Variants in SPIDR observed in about 807,000 individuals in gnomAD.
SPIDR encodes the protein DNA repair-scaffolding protein.
Under a neutral mutation model 104.6 loss-of-function variants are expected in SPIDR, and 93 were observed. The observed-to-expected ratio is 0.89, with a 90% CI of 0.75 to 1.06. The LOEUF (loss-of-function observed/expected upper bound fraction) is 1.06, where lower values mean the gene tolerates loss of function less well. Among genes scored for constraint, SPIDR ranks in the 50% least tolerant of loss-of-function variants. The pLI is 0.00. For missense variants in SPIDR, 1,154 were observed against 1,111.2 expected (o/e 1.04, Z -0.55); for synonymous variants, 431 against 416.9 (o/e 1.03, Z -0.41).
intron 6 of SPIDR, among the ~76,000 whole-genome samples, chr8:47,397,497 A>G (rs2061372985): frequency 6.6e-6 from 1 of 152,204 alleles, no homozygotes; most frequent in Non-Finnish European, 1.5e-5. Context: ...CTCCGTCTCT[A>G]AAAACAACAA....
chr8:47,571,288 A>G (rs1222332235), intron 8 of SPIDR, among the ~76,000 whole-genome samples: 8 of 152,260 alleles, frequency 5.3e-5, no homozygotes, highest in South Asian at 2.1e-4. Context: ...GATCTTAAGT[A>G]TTGTAAGCAT....
chr8:47,506,394 G>A (rs1005086983), intron 8 of SPIDR, among the ~76,000 whole-genome samples: 2 of 152,120 alleles, frequency 1.3e-5, no homozygotes, highest in Non-Finnish European at 2.9e-5. Flanking sequence ...CCAAAATCTC[G>A]TTTGTTTCTG....
intron 11 of SPIDR, among the ~76,000 whole-genome samples, chr8:47,676,518 CT>C (rs11367374): frequency 0.45 from 67,440 of 149,048 alleles, 18,188 homozygotes; most frequent in East Asian, 0.65. Context: ...CATTCTCTCT[CT>C]TTTTTTTTTT....
At chr8:47,701,360 A>C (rs1055574985) in intron 12 of SPIDR, among the ~76,000 whole-genome samples, 1 of 152,216 alleles carries the variant, frequency 6.6e-6, no homozygotes, top group African/African-American at 2.4e-5. Context: ...TGAACCCATG[A>C]GGCAGACGTT....
intron 8 of SPIDR, among the ~76,000 whole-genome samples, chr8:47,526,663 A>T (rs1414421934): frequency 6.6e-6 from 1 of 152,106 alleles, no homozygotes; most frequent in East Asian, 1.9e-4. Flanking sequence ...GTGGCAACTG[A>T]ACATCCAGGA....
At chr8:47,505,136 A>G (rs958750242) in intron 8 of SPIDR, among the ~76,000 whole-genome samples, 18 of 152,188 alleles carry the variant, frequency 1.2e-4, no homozygotes, top group African/African-American at 4.3e-4. Flanking sequence ...GAGTGCTGGG[A>G]GAACCACTAC....
intron 8 of SPIDR, among the ~76,000 whole-genome samples, chr8:47,533,470 A>T (rs1054262712): frequency 1.3e-5 from 2 of 152,234 alleles, no homozygotes; most frequent in Admixed American, 6.5e-5. Context: ...AAAAGAAACT[A>T]GAAGGAGTAA....
chr8:47,434,080 A>G (rs1315325390), intron 7 of SPIDR, among the ~76,000 whole-genome samples: 1 of 152,250 alleles, frequency 6.6e-6, no homozygotes, highest in African/African-American at 2.4e-5. Context: ...GGAAAGCTAT[A>G]AAATACTATT....
chr8:47,701,658 T>A, intron 12 of SPIDR, 63 bp from the exon 13 acceptor site: 2 of 1,467,536 alleles, frequency 1.4e-6, no homozygotes, highest in Non-Finnish European at 1.9e-6. Context: ...ATTTTAATAA[T>A]ATCTCCTCTT....
At chr8:47,443,058 T>C (rs2069758807) in intron 8 of SPIDR, among the ~76,000 whole-genome samples, 1 of 152,200 alleles carries the variant, frequency 6.6e-6, no homozygotes, top group African/African-American at 2.4e-5. Flanking sequence ...TTATGAGAAG[T>C]AAAATTAGAT....
chr8:47,531,319 G>A (rs913532372), intron 8 of SPIDR, among the ~76,000 whole-genome samples: 2 of 152,168 alleles, frequency 1.3e-5, no homozygotes, highest in African/African-American at 2.4e-5. Flanking sequence ...CCACTGGCTG[G>A]CCTTCATGGG....
chr8:47,713,630 G>T lies in SPIDR; in HGVS notation c.2330G>T (p.Cys777Phe), dbSNP rs2082173158. Residue 777 changes from cysteine (C) to phenylalanine (F), a missense_variant, in exon 16 of 20, where the codon TGC (cysteine) becomes TTC (phenylalanine). Physicochemically the swap from Cys to Phe is radical, Grantham distance 205 (BLOSUM62 -2). Transcript: ENST00000297423. Reference sequence around the variant, plus strand: ...TCTGCAACACCTGTCAACTCCATCTGCAGTGTTCAAGGTAGGCAGCCATCT... The same window carrying T: ...TCTGCAACACCTGTCAACTCCATCTTCAGTGTTCAAGGTAGGCAGCCATCT... ...LDSATPVNSI[C>F]SVQGTVVGVD... 6.2e-7 allele frequency: 1 copy of T among 1,614,112 alleles called. No homozygotes were observed. The highest frequency in any genetic ancestry group is 1.3e-5 in the African/African-American group (1 of 75,020).
chr8:47,523,122 T>C (rs934233558), intron 8 of SPIDR, among the ~76,000 whole-genome samples: 3 of 152,068 alleles, frequency 2.0e-5, no homozygotes, highest in Non-Finnish European at 2.9e-5. Flanking sequence ...CACCTCGAAT[T>C]GTTGGGACTA....
intron 5 of SPIDR, among the ~76,000 whole-genome samples, chr8:47,382,801 G>T (rs2059469577): frequency 6.6e-6 from 1 of 152,026 alleles, no homozygotes; most frequent in South Asian, 2.1e-4. Flanking sequence ...TGTTTTTTCT[G>T]GTCAGCTCCT....
intron 10 of SPIDR, among the ~76,000 whole-genome samples, chr8:47,611,064 G>A (rs1316948878): frequency 1.3e-5 from 2 of 152,204 alleles, no homozygotes; most frequent in Non-Finnish European, 2.9e-5. Flanking sequence ...GGGTTGATGG[G>A]AAACAGCAAT....
At chr8:47,432,665 A>G (rs910126300) in intron 7 of SPIDR, among the ~76,000 whole-genome samples, 7 of 152,326 alleles carry the variant, frequency 4.6e-5, no homozygotes, top group South Asian at 2.1e-4. Flanking sequence ...GAAACTCACC[A>G]GGGAGACAGT....
chr8:47,516,149 C>A (rs1350319141), intron 8 of SPIDR, among the ~76,000 whole-genome samples: 1 of 152,276 alleles, frequency 6.6e-6, no homozygotes, highest in Admixed American at 6.5e-5. Context: ...CTTCGTTGCC[C>A]AGGCTGGTCT....
chr8:47,429,739 C>G (rs186355030), intron 7 of SPIDR, among the ~76,000 whole-genome samples: 31 of 149,984 alleles, frequency 2.1e-4, no homozygotes, highest in Non-Finnish European at 4.3e-4. Context: ...CAAAGGGTGA[C>G]TTTGTTAAAC....
At chr8:47,654,197 G>T (rs1247809581) in intron 10 of SPIDR, 1 of 1,283,726 alleles carries the variant, frequency 7.8e-7, no homozygotes, top group Non-Finnish European at 1.0e-6. Flanking sequence ...CACTGTAGCA[G>T]CAACCTGCAG....
Sources: allele counts gnomAD v4.1 joint callset (sites outside exome capture counted in the v4.1 genomes callset), GRCh38; gene constraint gnomAD v4.1.1; transcripts MANE v1.5; gene names NCBI Gene and HGNC (gene_info 2026-07-23, HGNC 2026-07-21).